The following RBFOX1 variants were observed in gnomAD, a reference collection of about 807,000 sequenced individuals.
The protein encoded by RBFOX1 is RNA binding fox-1 homolog 1, also known as RNA binding protein fox-1 homolog 1.
RBFOX1 carries 8 observed loss-of-function variants against 57.7 expected under a neutral mutation model. The ratio of observed to expected loss-of-function variants is 0.14; its 90% confidence interval spans 0.08 to 0.25. The LOEUF is 0.25. Among genes scored for constraint, RBFOX1 ranks in the 10% least tolerant of loss-of-function variants. The pLI is 1.00. For missense variants in RBFOX1, 611 were observed against 548.5 expected, an observed-to-expected ratio of 1.11 and a Z score of -1.14; for synonymous variants, 326 against 222.4, an observed-to-expected ratio of 1.47 and a Z score of -4.15.
intron 4 of RBFOX1, among the ~76,000 whole-genome samples, chr16:5,924,728 T>G (rs891948530): frequency 2.0e-5 from 3 of 152,210 alleles, no homozygotes; most frequent in Non-Finnish European, 2.9e-5. Context: ...ACAAGTGGTC[T>G]AAGACACCTA....
chr16:6,873,724 TGTC>T (rs2153275975), intron 3 of RBFOX1, among the ~76,000 whole-genome samples: 1 of 152,310 alleles, frequency 6.6e-6, no homozygotes, highest in South Asian at 2.1e-4. Flanking sequence ...ATCCTCTCAT[TGTC>T]GTCATCACCA....
At chr16:7,114,718 C>G (rs1177913609) in intron 4 of RBFOX1, among the ~76,000 whole-genome samples, 1 of 152,200 alleles carries the variant, frequency 6.6e-6, no homozygotes, top group Non-Finnish European at 1.5e-5. Flanking sequence ...CCTTTCTACG[C>G]TCATGAAGAG....
intron 3 of RBFOX1, among the ~76,000 whole-genome samples, chr16:6,759,841 T>C (rs904824732): frequency 3.3e-5 from 5 of 152,188 alleles, no homozygotes; most frequent in African/African-American, 4.8e-5. Flanking sequence ...AGCAAGACAG[T>C]GGAAAATTAC....
At chr16:6,474,013 A>G (rs1180767213) in intron 2 of RBFOX1, among the ~76,000 whole-genome samples, 1 of 152,156 alleles carries the variant, frequency 6.6e-6, no homozygotes. Context: ...TGACTTGTGG[A>G]TAGCAGGCTG....
At chr16:5,524,673 C>T (rs8054742) in intron 2 of RBFOX1, among the ~76,000 whole-genome samples, 4,797 of 151,760 alleles carry the variant, frequency 0.032, 261 homozygotes, top group African/African-American at 0.11. Context: ...TCCAAGTAGC[C>T]GGGATTACAG....
chr16:5,562,388 C>A (rs924803808), intron 2 of RBFOX1, among the ~76,000 whole-genome samples: 15 of 152,074 alleles, frequency 9.9e-5, no homozygotes, highest in African/African-American at 3.4e-4. Context: ...CCTCTTGGTC[C>A]TGTCACTTTT....
At chr16:6,217,152 G>A (rs370648329) in intron 1 of RBFOX1, among the ~76,000 whole-genome samples, 28 of 143,692 alleles carry the variant, frequency 1.9e-4, no homozygotes, top group East Asian at 1.6e-3. Context: ...GGGTAGCCTC[G>A]TGTCTATTCA....
At chr16:6,719,535 G>T (rs1485969540) in intron 3 of RBFOX1, among the ~76,000 whole-genome samples, 2 of 151,612 alleles carry the variant, frequency 1.3e-5, no homozygotes, top group Non-Finnish European at 2.9e-5. Context: ...CCACCTCCTG[G>T]GTTCATGCCA....
At chr16:6,259,854 A>G (rs1380415694) in intron 1 of RBFOX1, among the ~76,000 whole-genome samples, 1 of 151,574 alleles carries the variant, frequency 6.6e-6, no homozygotes, top group Non-Finnish European at 1.5e-5. Context: ...CCAGCTACTC[A>G]GGAGGCTGAG....
At chr16:6,895,960 C>G (rs941195273) in intron 3 of RBFOX1, among the ~76,000 whole-genome samples, 1 of 151,594 alleles carries the variant, frequency 6.6e-6, no homozygotes, top group African/African-American at 2.4e-5. Context: ...TTGTGGGGTA[C>G]CAAAGATGTT....
intron 4 of RBFOX1, among the ~76,000 whole-genome samples, chr16:5,923,622 A>G (rs907034707): frequency 6.7e-6 from 1 of 148,434 alleles, no homozygotes; most frequent in Non-Finnish European, 1.5e-5. Flanking sequence ...GCTGACTGCA[A>G]CCTCCACCTC....
chr16:5,636,809 G>A (rs924708122), intron 3 of RBFOX1, among the ~76,000 whole-genome samples: 10 of 152,108 alleles, frequency 6.6e-5, no homozygotes, highest in Non-Finnish European at 5.9e-5. Flanking sequence ...ATTTAGGACC[G>A]GCCTTTGGTT....
chr16:6,312,158 C>G (rs1211804014), intron 1 of RBFOX1, among the ~76,000 whole-genome samples: 1 of 152,142 alleles, frequency 6.6e-6, no homozygotes, highest in Non-Finnish European at 1.5e-5. Flanking sequence ...CAACAGAAAT[C>G]CATTCAAACT....
chr16:5,305,186 C>G (rs899783857), intron 1 of RBFOX1, among the ~76,000 whole-genome samples: 43 of 152,232 alleles, frequency 2.8e-4, no homozygotes, highest in African/African-American at 9.4e-4. Flanking sequence ...AGCTGAGTAC[C>G]ACATGTTTCA....
intron 1 of RBFOX1, among the ~76,000 whole-genome samples, chr16:5,290,401 G>A (rs1424815031): frequency 6.6e-6 from 1 of 152,084 alleles, no homozygotes; most frequent in Non-Finnish European, 1.5e-5. Context: ...GAAATGGGAG[G>A]TACCTGCTAA....
At chr16:6,278,648 A>T (rs995581770) in intron 1 of RBFOX1, among the ~76,000 whole-genome samples, 2 of 152,102 alleles carry the variant, frequency 1.3e-5, no homozygotes, top group African/African-American at 4.8e-5. Context: ...AGGTTGTTAA[A>T]AAAAAGTCAT....
chr16:7,027,501 A>T (rs1242666056), intron 3 of RBFOX1, among the ~76,000 whole-genome samples: 1 of 142,448 alleles, frequency 7.0e-6, no homozygotes, highest in African/African-American at 2.6e-5. Flanking sequence ...CCAGGATTCA[A>T]ACTCAAGCAG....
chr16:6,850,805 A>T (rs1412813639), intron 3 of RBFOX1, among the ~76,000 whole-genome samples: 1 of 152,194 alleles, frequency 6.6e-6, no homozygotes, highest in Non-Finnish European at 1.5e-5. Context: ...CACTTTGGAA[A>T]ATCATCTCTC....
chr16:7,507,166 A>G (rs1393270860), intron 4 of RBFOX1, among the ~76,000 whole-genome samples: 3 of 152,214 alleles, frequency 2.0e-5, no homozygotes, highest in Non-Finnish European at 2.9e-5. Flanking sequence ...CAGCATTAAA[A>G]GGTTAGATAG....
Sources: allele counts gnomAD v4.1 joint callset (sites outside exome capture counted in the v4.1 genomes callset), GRCh38; gene constraint gnomAD v4.1.1; transcripts MANE v1.5; gene names NCBI Gene and HGNC (gene_info 2026-07-23, HGNC 2026-07-21).